AKR7A3: variants seen among roughly 807,000 people sequenced by gnomAD.
The protein encoded by AKR7A3 is aldo-keto reductase family 7 member A3.
Under a neutral mutation model 32.5 loss-of-function variants are expected in AKR7A3, and 37 were observed. That is an observed-to-expected ratio of 1.14 (90% CI 0.88 to 1.50). AKR7A3 has a LOEUF of 1.50. Ranked by LOEUF, AKR7A3 falls within the 40% of genes most tolerant of loss-of-function variation. The probability of loss-of-function intolerance (pLI) is 0.00; values close to 1 mark genes in which losing one functional copy is unlikely to be tolerated. For synonymous variants in AKR7A3, 177 were observed against 188.4 expected (o/e 0.94, Z 0.50); for missense variants, 412 against 453.2 (o/e 0.91, Z 0.83).
rs762841710 is a variant in AKR7A3 at position 19,282,686 on chromosome 1, A to G, written c.*45T>C. ...TAAATTAAAGAAAATGTGAGTAACA[A>G]AAGATGTTACAGAAGAGCCTTGGGC... is the stretch of plus-strand genomic sequence containing the variant. On this transcript the variant is annotated 3_prime_UTR_variant, in exon 7 of 7. Transcript: ENST00000361640. The G allele has an allele frequency of 6.2e-7, 1 of 1,613,572 alleles. No individual in the cohort carries two copies. Among genetic ancestry groups the G allele is most frequent in the Admixed American group, 1.7e-5 (1 of 59,980 alleles).
chr1:19,276,977 G>A, the AKR7A3 span, among the ~76,000 whole-genome samples: 1 of 151,724 alleles, frequency 6.6e-6, no homozygotes, highest in African/African-American at 2.4e-5. Flanking sequence ...AGCCGGGCGT[G>A]GTGGCTCATG....
Position 19,288,684 on chromosome 1 carries a change from C to G in AKR7A3, c.26G>C (p.Arg9Pro), listed in dbSNP as rs538273137. 1.5e-5 allele frequency: 23 copies of G among 1,516,340 alleles called. No homozygotes were observed. Among genetic ancestry groups the G allele is most frequent in the Non-Finnish European group, 2.0e-5 (23 of 1,133,356 alleles). The allele number at this position is 1,516,340 out of a possible 1,614,324, so 93.9% of individuals were successfully genotyped here. A position where few individuals can be genotyped will look rare whatever the true frequency, so the allele number is the denominator to read the frequency against. Residue 9 changes from arginine to proline, a missense_variant, in exon 1 of 7, where the codon CGG becomes CCG. By Grantham distance (103) the Arg-to-Pro change is moderately radical. Coordinates refer to ENST00000361640, the MANE Select transcript of AKR7A3 (RefSeq NM_012067.3). ...CATGGCGCCCAGCACCGTGGCTGGCCGGGCCCGCGACAGCTGCCGGGACAT... is the reference window on the plus strand; with the variant it reads ...CATGGCGCCCAGCACCGTGGCTGGCGGGGCCCGCGACAGCTGCCGGGACAT... Reference protein sequence around the residue: MSRQLSRARPATVLGAMEM... With the variant: MSRQLSRAPPATVLGAMEM...
chr1:19,284,786 C>T lies in AKR7A3; in HGVS notation c.605-1G>A. 6.2e-7 allele frequency: 1 copy of T among 1,613,882 alleles called. No homozygotes were observed. Among genetic ancestry groups the T allele is most frequent in the Non-Finnish European group, 8.5e-7 (1 of 1,179,960 alleles). The stretch of plus-strand genomic sequence containing the variant: ...TTGTACTTGCCGGTCAGCAGGCCCC[C>T]TGAGGGAAAGCAGCAATCAGCCCCG... On this transcript the variant is annotated splice_acceptor_variant, in intron 4 of 6. Transcript: ENST00000361640. LOFTEE classifies it high-confidence loss of function.
the AKR7A3 span, among the ~76,000 whole-genome samples, chr1:19,275,060 CA>C: frequency 2.6e-5 from 4 of 151,556 alleles, no homozygotes; most frequent in African/African-American, 7.3e-5. Context: ...AAGCAAAACA[CA>C]AGTATATAGT....
chr1:19,283,860 T>C (rs1295087827), intron 6 of AKR7A3, 136 bp downstream of exon 6: 48 of 1,383,536 alleles, frequency 3.5e-5, no homozygotes, highest in Non-Finnish European at 4.3e-5. Context: ...AAAAGACCAG[T>C]GGGAAGAATG....
At chr1:19,279,616 T>C (rs142365895), downstream of AKR7A3, among the ~76,000 whole-genome samples, 4 of 152,024 alleles carry the variant, frequency 2.6e-5, no homozygotes, top group African/African-American at 9.7e-5. Context: ...CCCATCCTAG[T>C]GGGTGTGAAG....
intron 4 of AKR7A3, 44 bp from the exon 5 acceptor site, chr1:19,284,829 G>A: frequency 6.2e-7 from 1 of 1,603,084 alleles, no homozygotes; most frequent in Non-Finnish European, 8.5e-7. Flanking sequence ...GAGTGCCCCA[G>A]AAGCTGCCAC....
chr1:19,276,786 A>G, the AKR7A3 span, among the ~76,000 whole-genome samples: 19 of 151,644 alleles, frequency 1.3e-4, no homozygotes, highest in South Asian at 4.1e-4. Context: ...TGGACAACAG[A>G]GTGAGATTCC....
At position 19,286,266 on chromosome 1, in the gene AKR7A3, C is replaced by T. The variant is rs1011103077; in HGVS notation, c.321G>A (p.Val107=). 2.5e-6 allele frequency: 4 copies of T among 1,613,718 alleles called. No homozygotes were observed. Among genetic ancestry groups the T allele is most frequent in the Non-Finnish European group, 3.4e-6 (4 of 1,180,044 alleles). ...CTGGCATATGCAGGTAGAAGAGGTC[C>T]ACTCGGGGACACTGCAGCCGCTTCA... The part of the protein sequence containing the change: ...TSLKRLQCPR[V]DLFYLHMPDH... Residue 107 remains valine (V), a synonymous_variant, in exon 2 of 7, where the codon GTG becomes GTA. Coordinates refer to ENST00000361640, the MANE Select transcript of AKR7A3 (RefSeq NM_012067.3).
chr1:19,278,157 G>A (rs1445415268), downstream of AKR7A3, among the ~76,000 whole-genome samples: 2 of 151,606 alleles, frequency 1.3e-5, no homozygotes, highest in Non-Finnish European at 2.9e-5. Flanking sequence ...TATGGGGAAG[G>A]GGTCTCAAAC....
the AKR7A3 span, among the ~76,000 whole-genome samples, chr1:19,277,398 A>T: frequency 6.6e-6 from 1 of 152,006 alleles, no homozygotes; most frequent in African/African-American, 2.4e-5. Flanking sequence ...TTTGAACTGA[A>T]TTAAAGTAAA....
chr1:19,275,875 T>A, the AKR7A3 span, among the ~76,000 whole-genome samples: 2 of 150,766 alleles, frequency 1.3e-5, no homozygotes, highest in African/African-American at 4.9e-5. Flanking sequence ...ATGACAGAGG[T>A]CAATTAACAA....
the AKR7A3 span, among the ~76,000 whole-genome samples, chr1:19,276,231 G>A: frequency 2.6e-5 from 4 of 151,072 alleles, no homozygotes; most frequent in Middle Eastern, 3.4e-3. Flanking sequence ...GCGTGGTGGC[G>A]GGCACCTGTA....
At position 19,284,043 on chromosome 1, in the gene AKR7A3, T is replaced by C; in HGVS notation, c.787A>G (p.Met263Val). The C allele has an allele frequency of 6.2e-7, 1 of 1,613,704 alleles. No homozygotes were observed. The highest frequency in any genetic ancestry group is 1.3e-5 in the African/African-American group (1 of 74,894). Residue 263 changes from methionine to valine, a missense_variant, in exon 6 of 7, where the codon ATG (methionine) becomes GTG (valine). Transcript: ENST00000361640. ...ATCCACCGGAGGGTGGCCGAGGTCA[T>C]GCTGGGGGCGCTGGCGCCATACGCG... ...QAAYGASAPSMTSATLRWMYH... is the reference protein window; with the variant it reads ...QAAYGASAPSVTSATLRWMYH...
chr1:19,279,793 A>G (rs2093716148), downstream of AKR7A3, among the ~76,000 whole-genome samples: 2 of 151,896 alleles, frequency 1.3e-5, no homozygotes, highest in African/African-American at 2.4e-5. Context: ...TTGTTGAATG[A>G]TAAGAGTTCT....
At chr1:19,281,468 C>A (rs1002802472), downstream of AKR7A3, among the ~76,000 whole-genome samples, 1 of 151,558 alleles carries the variant, frequency 6.6e-6, no homozygotes, top group Non-Finnish European at 1.5e-5. Context: ...AAAACCCAGT[C>A]TCTACAAAAA....
At chr1:19,276,886 C>A in the AKR7A3 span, among the ~76,000 whole-genome samples, 1 of 151,598 alleles carries the variant, frequency 6.6e-6, no homozygotes. Context: ...TTGAGGCAGG[C>A]AGATCACCTG....
At chr1:19,282,514 A>C (rs188910783), downstream of AKR7A3, 20 of 780,168 alleles carry the variant, frequency 2.6e-5, no homozygotes, top group Middle Eastern at 3.8e-4. Flanking sequence ...TTTCTTTATA[A>C]ATGACCCAGT....
At chr1:19,285,321 T>C (rs1254418188) in intron 3 of AKR7A3, among the ~76,000 whole-genome samples, 1 of 151,982 alleles carries the variant, frequency 6.6e-6, no homozygotes, top group African/African-American at 2.4e-5. Context: ...GCACCAACTA[T>C]GGGCTGGTTG....
Sources: allele counts gnomAD v4.1 joint callset (sites outside exome capture counted in the v4.1 genomes callset), GRCh38; gene constraint gnomAD v4.1.1; transcripts MANE v1.5; gene names NCBI Gene and HGNC (gene_info 2026-07-23, HGNC 2026-07-21).